DAB1: variants seen among roughly 807,000 people sequenced by gnomAD.
The protein encoded by DAB1 is disabled homolog 1.
In DAB1, 15 loss-of-function variants were observed where a neutral mutation model predicts 64.6. The observed-to-expected ratio is 0.23, with a 90% confidence interval of 0.16 to 0.36. DAB1 has a LOEUF of 0.36. Among genes scored for constraint, DAB1 ranks in the 10% least tolerant of loss-of-function variants. The probability of loss-of-function intolerance (pLI) is 1.00; values close to 1 mark genes in which losing one functional copy is unlikely to be tolerated. For missense variants in DAB1, 596 were observed against 706.7 expected, an observed-to-expected ratio of 0.84 and a Z score of 1.78; for synonymous variants, 235 against 251.9, an observed-to-expected ratio of 0.93 and a Z score of 0.64.
chr1:58,466,570 C>G (rs1276950989), intron 3 of DAB1, among the ~76,000 whole-genome samples: 1 of 152,152 alleles, frequency 6.6e-6, no homozygotes. Context: ...GCACAAGCAG[C>G]TGTCACGGGA....
At chr1:58,364,312 G>A (rs1451249512) in intron 3 of DAB1, among the ~76,000 whole-genome samples, 2 of 152,186 alleles carry the variant, frequency 1.3e-5, no homozygotes, top group African/African-American at 4.8e-5. Flanking sequence ...GCACTTTAAG[G>A]TAATGAGCTA....
rs1463638437 is a variant in DAB1 at position 58,527,168 on chromosome 1, T to C, written n.107+93A>G. The stretch of plus-strand genomic sequence containing the variant: ...AAGGGCTAATACAGTCCAACTCTCA[T>C]TCTCTGCTTATGCCAAGCCTCATTA... On this transcript the variant is annotated intron_variant and non_coding_transcript_variant, in intron 2 of 20. Coordinates refer to the DAB1 transcript ENST00000485760. 5.2e-6 allele frequency: 4 copies of C among 773,764 alleles called. No individual in the cohort carries two copies. In the Admixed American group the frequency reaches 5.4e-5, roughly 10 times the overall value. The allele number at this position is 773,764 out of a possible 1,614,324, so 47.9% of individuals were successfully genotyped here.
intron 6 of DAB1, among the ~76,000 whole-genome samples, chr1:57,651,093 T>A (rs1646250574): frequency 6.6e-6 from 1 of 151,996 alleles, no homozygotes; most frequent in South Asian, 2.1e-4. Context: ...CCATTTGGAT[T>A]CATAAAAGAT....
intron 6 of DAB1, among the ~76,000 whole-genome samples, chr1:57,771,938 T>G (rs1649580652): frequency 6.6e-6 from 1 of 152,144 alleles, no homozygotes; most frequent in African/African-American, 2.4e-5. Context: ...AATACTTTAT[T>G]TCTTTTTATT....
chr1:58,367,313 C>T (rs894418133), intron 3 of DAB1, among the ~76,000 whole-genome samples: 1 of 152,292 alleles, frequency 6.6e-6, no homozygotes, highest in East Asian at 1.9e-4. Flanking sequence ...TCAATGCTCA[C>T]AAGAAAATAT....
rs138252728 is a variant in DAB1, at chr1:58,394,480, C to T, written n.258-51077G>A. ...GAAACAATCCAAATGTCCATTACCTCGTGAATGGTTAAATAAATTGCAGTA... is the reference window on the plus strand; with the variant it reads ...GAAACAATCCAAATGTCCATTACCTTGTGAATGGTTAAATAAATTGCAGTA... On this transcript the variant is annotated intron_variant and non_coding_transcript_variant, in intron 3 of 20. Transcript: ENST00000485760. Among the ~76,000 whole-genome samples, 995 of 152,228 alleles carry T rather than the reference C, an allele frequency of 6.5e-3. 14 individuals carry two copies. The highest frequency in any genetic ancestry group is 0.023 in the African/African-American group (953 of 41,506).
chr1:58,404,314 C>T (rs1644597453), intron 3 of DAB1, among the ~76,000 whole-genome samples: 1 of 152,212 alleles, frequency 6.6e-6, no homozygotes, highest in Non-Finnish European at 1.5e-5. Context: ...CGAGGATCAG[C>T]TTTCACAAGC....
At chr1:57,271,220 C>T (rs553953228) in intron 2 of DAB1, among the ~76,000 whole-genome samples, 3 of 152,196 alleles carry the variant, frequency 2.0e-5, no homozygotes, top group African/African-American at 7.2e-5. Flanking sequence ...CATAGGGTGC[C>T]GGATGGCTAT....
At chr1:57,992,684 C>G (rs1182025921) in intron 5 of DAB1, among the ~76,000 whole-genome samples, 1 of 152,038 alleles carries the variant, frequency 6.6e-6, no homozygotes, top group Non-Finnish European at 1.5e-5. Flanking sequence ...ATTGTATTAA[C>G]CTTATAATAA....
intron 6 of DAB1, among the ~76,000 whole-genome samples, chr1:57,672,018 A>G (rs757495571): frequency 7.9e-5 from 12 of 152,144 alleles, no homozygotes; most frequent in Non-Finnish European, 1.5e-4. Context: ...ATCCAGCACT[A>G]TGCTAAGCTC....
At chr1:57,091,839 AGT>A (rs1653707015) in intron 4 of DAB1, among the ~76,000 whole-genome samples, 3 of 152,120 alleles carry the variant, frequency 2.0e-5, no homozygotes, top group South Asian at 2.1e-4. Flanking sequence ...ATGTTACCTA[AGT>A]GTGTGGTTTT....
At chr1:58,458,801 A>G (rs985674752) in intron 3 of DAB1, among the ~76,000 whole-genome samples, 2 of 151,884 alleles carry the variant, frequency 1.3e-5, no homozygotes, top group Non-Finnish European at 2.9e-5. Context: ...GGTGACAGAC[A>G]AAGATTCTGT....
intron 5 of DAB1, among the ~76,000 whole-genome samples, chr1:58,126,348 C>G (rs970414399): frequency 1.6e-4 from 24 of 152,252 alleles, no homozygotes; most frequent in Admixed American, 3.9e-4. Flanking sequence ...AGGGGGAAAC[C>G]CTTTGAGGCT....
intron 4 of DAB1, among the ~76,000 whole-genome samples, chr1:58,210,278 G>T (rs917535727): frequency 1.3e-5 from 2 of 152,112 alleles, no homozygotes; most frequent in Non-Finnish European, 2.9e-5. Context: ...GCATTCTAGG[G>T]GGAGGAACTG....
chr1:58,121,882 G>A (rs1652758895), intron 5 of DAB1, among the ~76,000 whole-genome samples: 1 of 152,126 alleles, frequency 6.6e-6, no homozygotes, highest in Admixed American at 6.6e-5. Context: ...GCCTTCTTAA[G>A]TAGAAGCGAA....
At chr1:58,327,609 G>A (rs975118128) in intron 4 of DAB1, among the ~76,000 whole-genome samples, 1 of 152,146 alleles carries the variant, frequency 6.6e-6, no homozygotes, top group Non-Finnish European at 1.5e-5. Flanking sequence ...ATGGGGATGC[G>A]AATAGTACTG....
intron 9 of DAB1, among the ~76,000 whole-genome samples, chr1:57,032,856 A>G (rs1283725299): frequency 2.0e-5 from 3 of 152,206 alleles, no homozygotes; most frequent in Non-Finnish European, 4.4e-5. Flanking sequence ...ATATATTTAT[A>G]CCAGGTTATA....
intron 5 of DAB1, among the ~76,000 whole-genome samples, chr1:58,134,317 A>C (rs60112110): frequency 0.19 from 28,684 of 152,044 alleles, 2,895 homozygotes; most frequent in East Asian, 0.36. Context: ...GGAGAGATGA[A>C]AGGGCCAGGC....
At chr1:57,256,435 A>G in intron 2 of DAB1, among the ~76,000 whole-genome samples, 1 of 152,064 alleles carries the variant, frequency 6.6e-6, no homozygotes, top group East Asian at 1.9e-4. Context: ...TGACTCTCAC[A>G]TGTCATGTCT....
Sources: gnomAD v4.1 joint callset for allele counts (sites outside exome capture counted in the v4.1 genomes callset) on GRCh38, gnomAD v4.1.1 for gene constraint, MANE v1.5 for transcripts, NCBI Gene and HGNC (gene_info 2026-07-23, HGNC 2026-07-21) for gene names.